Variants in ARAP2 observed in about 807,000 individuals in gnomAD.
ARAP2 encodes arf-GAP with Rho-GAP domain, ANK repeat and PH domain-containing protein 2.
ARAP2 carries 148 observed loss-of-function variants against 194.5 expected under a neutral mutation model. That is an observed-to-expected ratio of 0.76 (90% CI 0.67 to 0.87). The LOEUF is 0.87. ARAP2 is among the 40% of genes least tolerant of loss of function. ARAP2 has a pLI of 0.00. For synonymous variants in ARAP2, 695 were observed against 683.5 expected (o/e 1.02, Z -0.26); for missense variants, 2,128 against 1,989.7 (o/e 1.07, Z -1.32).
chr4:36,038,596 C>T (rs1486432589), intron 5 of ARAP2, among the ~76,000 whole-genome samples: 1 of 152,140 alleles, frequency 6.6e-6, no homozygotes, highest in Non-Finnish European at 1.5e-5. Flanking sequence ...ATGCAGAAGG[C>T]TTAATCTTTT....
chr4:36,136,816 T>TGTGTGTGTGTGTGC (rs796925392), intron 19 of ARAP2, among the ~76,000 whole-genome samples: 26 of 145,278 alleles, frequency 1.8e-4, no homozygotes, highest in Middle Eastern at 3.4e-3. Context: ...TGTGTGTGTG[T>TGTGTGTGTGTGTGC]GTGCGTGTCT....
intron 8 of ARAP2, among the ~76,000 whole-genome samples, chr4:36,013,069 T>G (rs1467091810): frequency 6.6e-6 from 1 of 152,216 alleles, no homozygotes; most frequent in Non-Finnish European, 1.5e-5. Flanking sequence ...ATTGAATATA[T>G]TTGTAGCCTA....
intron 2 of ARAP2, among the ~76,000 whole-genome samples, chr4:36,222,500 A>C (rs1352760173): frequency 6.6e-6 from 1 of 151,922 alleles, no homozygotes; most frequent in Non-Finnish European, 1.5e-5. Flanking sequence ...AAATCACAAA[A>C]ATAGTAAGTG....
Position 36,228,440 on chromosome 4 carries a change from T to C in ARAP2, c.905+142A>G, listed in dbSNP as rs974368398. On this transcript the variant is annotated intron_variant, in intron 2 of 32. Transcript: ENST00000303965. ...AAATAATGTCCAATGGGATGAAGAC[T>C]TTTTTTTTAAAAGAAAAGGTTGGTT... is the stretch of plus-strand genomic sequence containing the variant. The C allele has an allele frequency of 5.1e-6, 4 of 778,686 alleles. No individual in the cohort carries two copies. In the South Asian group the frequency reaches 1.1e-4, roughly 20 times the overall value. 48.2% of individuals were successfully genotyped at this position (778,686 alleles called of 1,614,324 possible).
chr4:36,076,654 C>A (rs1306650822), intron 31 of ARAP2, among the ~76,000 whole-genome samples: 1 of 151,962 alleles, frequency 6.6e-6, no homozygotes, highest in Non-Finnish European at 1.5e-5. Flanking sequence ...TCCCTCTCCA[C>A]CTCAAACCTT....
intron 5 of ARAP2, among the ~76,000 whole-genome samples, chr4:36,040,844 G>T (rs1380134011): frequency 1.3e-5 from 2 of 152,168 alleles, no homozygotes; most frequent in East Asian, 1.9e-4. Flanking sequence ...TCTCTTGCCT[G>T]ATTGCTCTGG....
rs1401855515 is a variant in ARAP2, at chr4:36,177,884, C to T, written c.1800G>A (p.Lys600=). ...CACTTAACACAGTAAAAATTTTTGC[C>T]TTATAGCCTCTCAATTCAAGATATC... ...KCGYLELRGY[K]AKIFTVLSGN... The change falls in exon 9 of 33, where the codon AAG becomes AAA. Residue 600 remains lysine (K), a synonymous_variant. Coordinates refer to ENST00000303965, the MANE Select transcript of ARAP2 (RefSeq NM_015230.4). The T allele has an allele frequency of 1.3e-5, 21 of 1,613,214 alleles. No homozygotes were observed. Among genetic ancestry groups the T allele is most frequent in the African/African-American group, 2.7e-5 (2 of 74,884 alleles).
chr4:36,053,070 C>A (rs1422687195), intron 2 of ARAP2, among the ~76,000 whole-genome samples: 2 of 151,912 alleles, frequency 1.3e-5, no homozygotes, highest in Non-Finnish European at 2.9e-5. Context: ...TGCAGTGGCG[C>A]GTTCTTGGCT....
intron 32 of ARAP2, 117 bp from the exon 33 acceptor site, chr4:36,068,395 A>T (rs775579241): frequency 2.0e-4 from 228 of 1,150,244 alleles, no homozygotes; most frequent in Non-Finnish European, 2.4e-4. Context: ...TCTATGACTT[A>T]GGTCCTAACT....
At chr4:36,234,371 A>G (rs1386433630) in intron 1 of ARAP2, among the ~76,000 whole-genome samples, 39 of 152,156 alleles carry the variant, frequency 2.6e-4, no homozygotes, top group Admixed American at 2.6e-3. Context: ...GACTAATTCC[A>G]TTCACCAGAG....
intron 2 of ARAP2, among the ~76,000 whole-genome samples, chr4:36,218,208 A>C (rs1224035842): frequency 6.6e-6 from 1 of 152,182 alleles, no homozygotes; most frequent in African/African-American, 2.4e-5. Flanking sequence ...TTAGCAAACT[A>C]ATGCAGGAAC....
chr4:36,061,324 A>G (rs1724402054), downstream of ARAP2, among the ~76,000 whole-genome samples: 1 of 152,146 alleles, frequency 6.6e-6, no homozygotes, highest in South Asian at 2.1e-4. Context: ...TTTTGTATCC[A>G]TTAACCATTC....
intron 6 of ARAP2, among the ~76,000 whole-genome samples, chr4:36,017,291 T>C (rs867536271): frequency 6.6e-6 from 1 of 151,802 alleles, no homozygotes; most frequent in African/African-American, 2.4e-5. Context: ...GAGAGCCTCC[T>C]GTATGCCAAT....
intron 3 of ARAP2, chr4:36,047,325 A>T (rs968620104): frequency 6.6e-6 from 1 of 152,220 alleles, no homozygotes; most frequent in Admixed American, 6.5e-5. Flanking sequence ...CACTTGAGAG[A>T]AGGTACAATT....
At chr4:36,065,467 G>C (rs1170499664), downstream of ARAP2, 10 of 361,284 alleles carry the variant, frequency 2.8e-5, no homozygotes, top group Admixed American at 2.1e-4. Flanking sequence ...TGTGGCCTTT[G>C]ATGGGCTGGC....
chr4:36,017,377 G>C (rs1341169754), intron 6 of ARAP2, among the ~76,000 whole-genome samples: 1 of 151,048 alleles, frequency 6.6e-6, no homozygotes, highest in Non-Finnish European at 1.5e-5. Context: ...ACATACTGTG[G>C]GGAAGAGACA....
intron 8 of ARAP2, among the ~76,000 whole-genome samples, chr4:36,014,366 G>T (rs564008701): frequency 7.5e-6 from 1 of 133,762 alleles, no homozygotes. Context: ...AAGAAAGAAA[G>T]AAAGAAAGAA....
rs1047151824 is a variant in ARAP2, at chr4:36,114,361, C to T, written c.4039-74G>A. ...AGCCTTATGCTAGGTCAATAATATT[C>T]CCCATCCACCATTTAATGATATCTT... On this transcript the variant is annotated intron_variant, in intron 25 of 32. Transcript: ENST00000303965. 8 of 848,516 alleles carry T rather than the reference C, an allele frequency of 9.4e-6. No individual in the cohort carries two copies. The African/African-American group carries it at 1.4e-4, about 15-fold the overall frequency. 52.6% of individuals were successfully genotyped at this position (848,516 alleles called of 1,614,324 possible).
At chr4:36,154,406 TATAAAC>T (rs1274655435) in intron 15 of ARAP2, among the ~76,000 whole-genome samples, 5 of 152,284 alleles carry the variant, frequency 3.3e-5, no homozygotes, top group African/African-American at 1.2e-4. Context: ...CAAAGTTAAA[TATAAAC>T]AGAAATAGAA....
Sources: gnomAD v4.1 joint callset for allele counts (sites outside exome capture counted in the v4.1 genomes callset) on GRCh38, gnomAD v4.1.1 for gene constraint, MANE v1.5 for transcripts, NCBI Gene and HGNC (gene_info 2026-07-23, HGNC 2026-07-21) for gene names.